The following GATC variants were observed in gnomAD, a reference collection of about 807,000 sequenced individuals.
GATC encodes glutamyl-tRNA(Gln) amidotransferase subunit C, mitochondrial.
Under a neutral mutation model 14.4 loss-of-function variants are expected in GATC, and 11 were observed. That is an observed-to-expected ratio of 0.77 (90% confidence interval 0.48 to 1.27). GATC has a LOEUF of 1.27. Among genes scored for constraint, GATC ranks in the 50% most tolerant of loss-of-function variants. The probability of loss-of-function intolerance (pLI) is 0.00; values close to 1 mark genes in which losing one functional copy is unlikely to be tolerated. For synonymous variants in GATC, 76 were observed against 79.3 expected, an observed-to-expected ratio of 0.96 and a Z score of 0.22; for missense variants, 204 against 183.0, an observed-to-expected ratio of 1.11 and a Z score of -0.66.
Position 120,461,921 on chromosome 12 carries a change from T to C in GATC, c.*1962T>C. ...CTTTAAAAAAAAAAAATTAAAAAAA[T>C]TTCCTAAGACACTAAATCCTCAATC... is the stretch of plus-strand genomic sequence containing the variant. On this transcript the variant is annotated 3_prime_UTR_variant, in exon 4 of 4. Transcript: ENST00000551765. The C allele has an allele frequency of 1.6e-6, 2 of 1,260,248 alleles. No homozygotes were observed. The highest frequency in any genetic ancestry group is 2.1e-6 in the Non-Finnish European group (2 of 965,378). 78.1% of individuals were successfully genotyped at this position (1,260,248 alleles called of 1,614,324 possible).
At chr12:120,450,216 T>G (rs535189893) in intron 2 of GATC, among the ~76,000 whole-genome samples, 1 of 152,218 alleles carries the variant, frequency 6.6e-6, no homozygotes, top group African/African-American at 2.4e-5. Context: ...TTGGATCCAG[T>G]AGCTAGCATC....
intron 2 of GATC, chr12:120,454,798 T>G: frequency 5.4e-6 from 1 of 186,514 alleles, no homozygotes; most frequent in South Asian, 8.8e-5. Flanking sequence ...ATAATTATGA[T>G]TTTTATTTTA....
At chr12:120,449,744 GC>G (rs1191310859) in intron 2 of GATC, among the ~76,000 whole-genome samples, 1 of 151,856 alleles carries the variant, frequency 6.6e-6, no homozygotes, top group Non-Finnish European at 1.5e-5. Flanking sequence ...GCCGTGCCCG[GC>G]CACAGTAAAT....
chr12:120,451,875 C>CTTGTTTTTTTTTTTT (rs1878055890), intron 2 of GATC, among the ~76,000 whole-genome samples: 1 of 90,794 alleles, frequency 1.1e-5, no homozygotes, highest in African/African-American at 4.2e-5. Flanking sequence ...TATATAAATT[C>CTTGTTTTTTTTTTTT]TTTTTTTTTT....
rs1014464481 is a variant in GATC, at chr12:120,458,166, T to C, written c.358+987T>C. 4.0e-5 allele frequency among the ~76,000 whole-genome samples: 6 copies of C among 149,904 alleles called. No homozygotes were observed. The Admixed American group carries it at 4.0e-4, about 10-fold the overall frequency. On this transcript the variant is annotated intron_variant, in intron 3 of 3. Coordinates refer to ENST00000551765, the MANE Select transcript of GATC (RefSeq NM_176818.3). ...AGGCTGGAGTGCAATCTTGACTCAC[T>C]GCAACCTCTGCCTCCCGGGTTCAAG...
chr12:120,460,041 C>A lies in GATC; in HGVS notation c.*82C>A. 9.4e-7 allele frequency: 1 copy of A among 1,064,630 alleles called. No individual in the cohort carries two copies. Among genetic ancestry groups the A allele is most frequent in the South Asian group, 1.4e-5 (1 of 73,980 alleles). 65.9% of individuals were successfully genotyped at this position (1,064,630 alleles called of 1,614,324 possible). ...TTTTTTTACTGTGAATACTAATGTT[C>A]CTGCTTTTTTCAGTCCCCTGAAAAA... On this transcript the variant is annotated 3_prime_UTR_variant, in exon 4 of 4. Transcript: ENST00000551765.
chr12:120,457,101 G>A lies in GATC; in HGVS notation c.280G>A (p.Val94Met). The change falls in exon 3 of 4, where the codon GTG becomes ATG. Residue 94 changes from valine (V) to methionine (M), a missense_variant. Val to Met is a conservative substitution (Grantham distance 21). Transcript: ENST00000551765. ...DRCLYLRSDN[V>M]VEGNCADELL... ...ATGTCTATACCTGAGATCCGACAATGTGGTAGAAGGCAACTGTGCTGATGA... is the reference window on the plus strand; with the variant it reads ...ATGTCTATACCTGAGATCCGACAATATGGTAGAAGGCAACTGTGCTGATGA... 1.2e-6 allele frequency: 2 copies of A among 1,613,926 alleles called. No individual in the cohort carries two copies. The highest frequency in any genetic ancestry group is 2.2e-5 in the South Asian group (2 of 91,080).
rs781215180 is a variant in GATC, at chr12:120,459,945, T to G, written c.397T>G (p.Phe133Val). 1 of 1,612,188 alleles carries G rather than the reference T, an allele frequency of 6.2e-7. No individual in the cohort carries two copies. The highest frequency in any genetic ancestry group is 8.5e-7 in the Non-Finnish European group (1 of 1,178,458). ...GCCAAAGCTGGATGAACAAGAGCCA[T>G]TCCCACACAGCTGAGTAGCTCATTC... ...SLPKLDEQEP[F>V]PHS The change falls in exon 4 of 4, where the codon TTC becomes GTC. Residue 133 changes from phenylalanine to valine, a missense_variant. Coordinates refer to ENST00000551765, the MANE Select transcript of GATC (RefSeq NM_176818.3).
At chr12:120,451,872 A>ATTTTTTTTTTTT (rs1555219520) in intron 2 of GATC, among the ~76,000 whole-genome samples, 2 of 88,078 alleles carry the variant, frequency 2.3e-5, no homozygotes, top group Non-Finnish European at 4.7e-5. Context: ...AATTATATAA[A>ATTTTTTTTTTTT]TTCTTTTTTT....
At position 120,446,703 on chromosome 12, in the gene GATC, T is replaced by C. The variant is rs971320743; in HGVS notation, c.128T>C (p.Leu43Pro). 1 of 1,613,718 alleles carries C rather than the reference T, an allele frequency of 6.2e-7. No individual in the cohort carries two copies. The highest frequency in any genetic ancestry group is 8.5e-7 in the Non-Finnish European group (1 of 1,179,984). ...TAAVIEHLER[L>P]ALVDFGSREA... The stretch of plus-strand genomic sequence containing the variant: ...GCGGTGATCGAGCACCTGGAGCGTC[T>C]AGCGCTTGTGGACTTCGGCAGCCGC... Residue 43 changes from leucine to proline, a missense_variant, in exon 2 of 4, where the codon CTA (leucine) becomes CCA (proline). Physicochemically the swap from Leu to Pro is moderately conservative, Grantham distance 98. Transcript: ENST00000551765.
At chr12:120,447,379 C>G (rs1356011798) in intron 2 of GATC, among the ~76,000 whole-genome samples, 1 of 152,004 alleles carries the variant, frequency 6.6e-6, no homozygotes, top group African/African-American at 2.4e-5. Flanking sequence ...CTGGCCTAAT[C>G]ATCGCCTTTA....
At chr12:120,446,635 C>T (rs750478943) in intron 1 of GATC, 22 bp from the exon 2 acceptor site, 1 of 1,602,000 alleles carries the variant, frequency 6.2e-7, no homozygotes, top group South Asian at 1.1e-5. Flanking sequence ...GACCCACACT[C>T]CCCGCCTCAT....
rs1386201035 is a variant in GATC, at chr12:120,460,015, A to AT, written c.*63dup. 4.7e-5 allele frequency: 64 copies of AT among 1,347,686 alleles called. No homozygotes were observed. The highest frequency in any genetic ancestry group is 1.8e-4 in the Middle Eastern group (1 of 5,480). 83.5% of individuals were successfully genotyped at this position (1,347,686 alleles called of 1,614,324 possible). ...GAACATGTGGAAGCATAATGACAGT[A>AT]TTTTTTTACTGTGAATACTAATGTT... On this transcript the variant is annotated 3_prime_UTR_variant, in exon 4 of 4. Transcript: ENST00000551765.
chr12:120,459,783 G>A, intron 3 of GATC, 124 bp from the exon 4 acceptor site: 1 of 582,476 alleles, frequency 1.7e-6, no homozygotes, highest in Admixed American at 2.7e-5. Context: ...GTGAACCCCA[G>A]GGGGCGGAGC....
Position 120,446,538 on chromosome 12 carries a change from T to G in GATC, c.58T>G (p.Phe20Val). 2 of 1,600,176 alleles carry G rather than the reference T, an allele frequency of 1.2e-6. No individual in the cohort carries two copies. The highest frequency in any genetic ancestry group is 1.7e-6 in the Non-Finnish European group (2 of 1,173,154). The change falls in exon 1 of 4, where the codon TTC (phenylalanine) becomes GTC (valine). Residue 20 changes from phenylalanine (F) to valine (V), a missense_variant. By Grantham distance (50) the Phe-to-Val change is conservative (BLOSUM62 -1). Coordinates refer to ENST00000551765, the MANE Select transcript of GATC (RefSeq NM_176818.3). Reference sequence around the variant, plus strand: ...GGCCCCTCTGGGCGGGCGCCAGGGCTTCACCTCCAAGGCGGATCCTCAGGT... The same window carrying G: ...GGCCCCTCTGGGCGGGCGCCAGGGCGTCACCTCCAAGGCGGATCCTCAGGT... ...LRAPLGGRQGFTSKADPQGSG... is the reference protein window; with the variant it reads ...LRAPLGGRQGVTSKADPQGSG...
intron 2 of GATC, among the ~76,000 whole-genome samples, chr12:120,451,227 A>AC (rs1878035009): frequency 2.0e-5 from 3 of 148,510 alleles, no homozygotes; most frequent in African/African-American, 5.0e-5. Context: ...TGGGTGGATC[A>AC]TGGGGTCAGG....
At chr12:120,452,633 C>A (rs533965001) in intron 2 of GATC, among the ~76,000 whole-genome samples, 2 of 152,184 alleles carry the variant, frequency 1.3e-5, no homozygotes, top group South Asian at 4.2e-4. Flanking sequence ...AACTCCTGGG[C>A]TCAAGTGATC....
rs1048132008 is a variant in GATC, at chr12:120,452,713, C to CT, written c.255-4354dup. 8.1e-4 allele frequency among the ~76,000 whole-genome samples: 122 copies of CT among 151,316 alleles called. 1 individual carries two copies. The highest frequency in any genetic ancestry group is 2.1e-4 in the South Asian group (1 of 4,772). Reference sequence around the variant, plus strand: ...CATCATGCCTGGCCTGAATCCAGAACTTTTTTTTTCTCATTCTGTTGCCCA... The same window carrying CT: ...CATCATGCCTGGCCTGAATCCAGAACTTTTTTTTTTCTCATTCTGTTGCCCA... On this transcript the variant is annotated intron_variant, in intron 2 of 3. Transcript: ENST00000551765.
At chr12:120,452,493 CA>C (rs1312283619) in intron 2 of GATC, among the ~76,000 whole-genome samples, 1 of 151,810 alleles carries the variant, frequency 6.6e-6, no homozygotes, top group African/African-American at 2.4e-5. Context: ...AGGCTCAAGC[CA>C]TCCTCCTGTC....
Sources: gnomAD v4.1 joint callset for allele counts (sites outside exome capture counted in the v4.1 genomes callset) on GRCh38, gnomAD v4.1.1 for gene constraint, MANE v1.5 for transcripts, NCBI Gene and HGNC (gene_info 2026-07-23, HGNC 2026-07-21) for gene names.